WWOX: variants seen among roughly 807,000 people sequenced by gnomAD.
WWOX encodes WW domain containing oxidoreductase.
Under a neutral mutation model 46.2 loss-of-function variants are expected in WWOX, and 69 were observed. The observed-to-expected ratio is 1.49, with a 90% CI of 1.23 to 1.82. The LOEUF (loss-of-function observed/expected upper bound fraction) is 1.82, where lower values mean the gene tolerates loss of function less well. Among genes scored for constraint, WWOX ranks in the 40% most tolerant of loss-of-function variants. The probability of loss-of-function intolerance (pLI) is 0.00; values close to 1 mark genes in which losing one functional copy is unlikely to be tolerated. For missense variants in WWOX, 919 were observed against 542.6 expected, an observed-to-expected ratio of 1.69 and a Z score of -6.89; for synonymous variants, 359 against 202.6, an observed-to-expected ratio of 1.77 and a Z score of -6.56.
chr16:78,659,460 G>A (rs1298474890), intron 8 of WWOX, among the ~76,000 whole-genome samples: 1 of 152,034 alleles, frequency 6.6e-6, no homozygotes, highest in Non-Finnish European at 1.5e-5. Context: ...CTGGGAGTAG[G>A]GCTCAGCAAT....
At chr16:78,249,970 G>T (rs1248688222) in intron 5 of WWOX, among the ~76,000 whole-genome samples, 1 of 152,108 alleles carries the variant, frequency 6.6e-6, no homozygotes, top group East Asian at 1.9e-4. Context: ...CTGAGGCCAG[G>T]TCCCCAGTGA....
At chr16:79,088,087 T>G (rs189096894) in intron 8 of WWOX, among the ~76,000 whole-genome samples, 68 of 152,298 alleles carry the variant, frequency 4.5e-4, no homozygotes, top group African/African-American at 1.5e-3. Flanking sequence ...TAGTGTGAGC[T>G]CATCTGGTAC....
intron 8 of WWOX, among the ~76,000 whole-genome samples, chr16:78,625,411 C>T (rs182625637): frequency 9.2e-5 from 14 of 152,226 alleles, no homozygotes; most frequent in Non-Finnish European, 5.9e-5. Context: ...TACTAGAATG[C>T]CATATGCTTT....
intron 5 of WWOX, among the ~76,000 whole-genome samples, chr16:78,201,048 C>G (rs2036214357): frequency 6.6e-6 from 1 of 152,170 alleles, no homozygotes; most frequent in Non-Finnish European, 1.5e-5. Flanking sequence ...GAGAATATGA[C>G]CATTTCTGGT....
intron 8 of WWOX, among the ~76,000 whole-genome samples, chr16:79,033,317 TAG>T (rs560741261): frequency 2.2e-4 from 32 of 148,520 alleles, no homozygotes; most frequent in African/African-American, 6.8e-4. Context: ...TATGTATGTA[TAG>T]AGAGTCTATT....
At chr16:78,938,220 C>T (rs189885578) in intron 8 of WWOX, among the ~76,000 whole-genome samples, 1 of 152,166 alleles carries the variant, frequency 6.6e-6, no homozygotes, top group South Asian at 2.1e-4. Flanking sequence ...GGCAGGACTT[C>T]CACACACCTG....
chr16:78,224,800 G>A (rs925067519), intron 5 of WWOX, among the ~76,000 whole-genome samples: 2 of 152,196 alleles, frequency 1.3e-5, no homozygotes, highest in African/African-American at 4.8e-5. Context: ...AAGCTGAGTA[G>A]TAAGAGAAAG....
chr16:79,143,831 C>G (rs1778960493), intron 8 of WWOX, among the ~76,000 whole-genome samples: 1 of 152,170 alleles, frequency 6.6e-6, no homozygotes, highest in Admixed American at 6.5e-5. Flanking sequence ...ATATTCCAGT[C>G]TCGATCTGCT....
At chr16:79,132,422 C>A (rs975553397) in intron 8 of WWOX, among the ~76,000 whole-genome samples, 2 of 152,094 alleles carry the variant, frequency 1.3e-5, no homozygotes, top group African/African-American at 4.8e-5. Flanking sequence ...TAAATAAAGC[C>A]ACAGCCAGTG....
chr16:78,429,831 G>A (rs770342637), intron 7 of WWOX, among the ~76,000 whole-genome samples: 18 of 152,156 alleles, frequency 1.2e-4, no homozygotes, highest in East Asian at 1.9e-4. Context: ...ACAAAATGGC[G>A]TGTGTTTCAA....
At chr16:78,852,438 C>T (rs982450478) in intron 8 of WWOX, among the ~76,000 whole-genome samples, 3 of 152,128 alleles carry the variant, frequency 2.0e-5, no homozygotes, top group Non-Finnish European at 2.9e-5. Flanking sequence ...TGGGGAGATC[C>T]GCATAGCAAG....
chr16:79,033,380 A>G (rs1056946577), intron 8 of WWOX, among the ~76,000 whole-genome samples: 1 of 150,260 alleles, frequency 6.7e-6, no homozygotes, highest in South Asian at 2.1e-4. Context: ...AGACTCTATA[A>G]TATAGACTCT....
intron 8 of WWOX, among the ~76,000 whole-genome samples, chr16:79,124,928 A>G (rs8047289): frequency 0.33 from 50,638 of 152,042 alleles, 8,980 homozygotes; most frequent in South Asian, 0.51. Flanking sequence ...CTCATTTTCA[A>G]GCTGAAGAAC....
intron 8 of WWOX, among the ~76,000 whole-genome samples, chr16:78,529,726 C>G (rs1429934067): frequency 6.6e-6 from 1 of 152,088 alleles, no homozygotes; most frequent in Non-Finnish European, 1.5e-5. Flanking sequence ...CTCGGCCTCC[C>G]AAAGTGCTGG....
At chr16:78,888,933 C>T (rs758694089) in intron 8 of WWOX, among the ~76,000 whole-genome samples, 46 of 150,220 alleles carry the variant, frequency 3.1e-4, no homozygotes, top group Non-Finnish European at 5.6e-4. Flanking sequence ...TCTCCTTTTT[C>T]CCCAAGCCCC....
chr16:78,499,771 C>T (rs916824638), intron 8 of WWOX, among the ~76,000 whole-genome samples: 4 of 152,164 alleles, frequency 2.6e-5, no homozygotes, highest in Middle Eastern at 3.2e-3. Context: ...CAAATACATC[C>T]GTGGAACGCA....
intron 5 of WWOX, among the ~76,000 whole-genome samples, chr16:78,263,155 A>G (rs116652163): frequency 0.043 from 6,578 of 152,204 alleles, 218 homozygotes; most frequent in African/African-American, 0.089. Context: ...CAGGAGAATC[A>G]CTTGAACCCA....
At chr16:78,479,849 A>T (rs1478793532) in intron 8 of WWOX, among the ~76,000 whole-genome samples, 1 of 152,208 alleles carries the variant, frequency 6.6e-6, no homozygotes, top group Non-Finnish European at 1.5e-5. Flanking sequence ...CACCAAGTAG[A>T]GGCCTCCAAT....
At chr16:78,633,865 C>T (rs1183079098) in intron 8 of WWOX, among the ~76,000 whole-genome samples, 3 of 151,650 alleles carry the variant, frequency 2.0e-5, no homozygotes, top group East Asian at 3.9e-4. Flanking sequence ...TGTAGGTCAC[C>T]TACGGGAGCA....
Sources: gnomAD v4.1 joint callset for allele counts (sites outside exome capture counted in the v4.1 genomes callset) on GRCh38, gnomAD v4.1.1 for gene constraint, MANE v1.5 for transcripts, NCBI Gene and HGNC (gene_info 2026-07-23, HGNC 2026-07-21) for gene names.